Variants in PIK3C2G observed in about 807,000 individuals in gnomAD.
PIK3C2G encodes the protein phosphatidylinositol-4-phosphate 3-kinase catalytic subunit type 2 gamma.
A neutral mutation model predicts 181.1 loss-of-function variants in PIK3C2G; 168 were observed. That is an observed-to-expected ratio of 0.93 (90% CI 0.82 to 1.05). The LOEUF (loss-of-function observed/expected upper bound fraction) is 1.05, where lower values mean the gene tolerates loss of function less well. Ranked by LOEUF, PIK3C2G falls within the 50% of genes least tolerant of loss-of-function variation. The probability of loss-of-function intolerance (pLI) is 0.00; values close to 1 mark genes in which losing one functional copy is unlikely to be tolerated. For synonymous variants in PIK3C2G, 573 were observed against 592.2 expected (o/e 0.97, Z 0.47); for missense variants, 1,869 against 1,732.8 (o/e 1.08, Z -1.40).
chr12:18,352,651 G>T (rs1940328464), intron 11 of PIK3C2G, among the ~76,000 whole-genome samples: 1 of 152,190 alleles, frequency 6.6e-6, no homozygotes, highest in Admixed American at 6.5e-5. Context: ...GGAAGAATCA[G>T]GTCACATGAA....
chr12:18,398,231 C>A (rs2138109114), intron 15 of PIK3C2G, among the ~76,000 whole-genome samples: 1 of 152,000 alleles, frequency 6.6e-6, no homozygotes, highest in Non-Finnish European at 1.5e-5. Context: ...TGTGAATTTG[C>A]TTTAACAAAA....
At chr12:18,523,891 CT>C (rs1943066955) in intron 24 of PIK3C2G, among the ~76,000 whole-genome samples, 1 of 152,192 alleles carries the variant, frequency 6.6e-6, no homozygotes, top group Non-Finnish European at 1.5e-5. Flanking sequence ...CCTGGGAAGA[CT>C]TGTGAGAGCA....
chr12:18,549,176 G>A (rs764029562), intron 26 of PIK3C2G, among the ~76,000 whole-genome samples: 6 of 151,856 alleles, frequency 4.0e-5, no homozygotes, highest in African/African-American at 9.7e-5. Context: ...CGAACATGCC[G>A]TCTTTTGTGC....
chr12:18,377,319 A>C (rs1430767324), intron 13 of PIK3C2G, among the ~76,000 whole-genome samples: 1 of 152,196 alleles, frequency 6.6e-6, no homozygotes, highest in Non-Finnish European at 1.5e-5. Flanking sequence ...TAGTCAATGA[A>C]TTTATACGAT....
intron 31 of PIK3C2G, among the ~76,000 whole-genome samples, chr12:18,623,081 G>A (rs961762201): frequency 6.6e-6 from 1 of 151,678 alleles, no homozygotes; most frequent in Non-Finnish European, 1.5e-5. Flanking sequence ...TGCATTTGTT[G>A]TCTGTGCTAT....
At chr12:18,673,567 CTAGT>C in the PIK3C2G span, among the ~76,000 whole-genome samples, 2 of 152,162 alleles carry the variant, frequency 1.3e-5, no homozygotes, top group Non-Finnish European at 1.5e-5. Context: ...ACCTATTCTA[CTAGT>C]TATCTATTGT....
At chr12:18,367,360 G>C (rs1449070377) in intron 12 of PIK3C2G, among the ~76,000 whole-genome samples, 5 of 152,038 alleles carry the variant, frequency 3.3e-5, no homozygotes, top group African/African-American at 7.2e-5. Flanking sequence ...TTTAGTTTTG[G>C]ATACCGAAAT....
At chr12:18,639,907 T>A (rs1336304997) in intron 31 of PIK3C2G, among the ~76,000 whole-genome samples, 1 of 151,992 alleles carries the variant, frequency 6.6e-6, no homozygotes, top group Non-Finnish European at 1.5e-5. Context: ...TAATCATTTT[T>A]AAATCTTGTA....
chr12:18,648,129 G>T lies in PIK3C2G; in HGVS notation c.*101G>T. 1 of 618,222 alleles carries T rather than the reference G, an allele frequency of 1.6e-6. No individual in the cohort carries two copies. 38.3% of individuals were successfully genotyped at this position (618,222 alleles called of 1,614,324 possible). The stretch of plus-strand genomic sequence containing the variant: ...TAAGGCATCTTTGTTGTCAAAGACA[G>T]CACAGGGTATTAAGGACACAGAAAA... On this transcript the variant is annotated 3_prime_UTR_variant, in exon 33 of 33. Transcript: ENST00000538779.
intron 1 of PIK3C2G, among the ~76,000 whole-genome samples, chr12:18,249,316 G>A (rs550763494): frequency 6.6e-6 from 1 of 152,174 alleles, no homozygotes; most frequent in African/African-American, 2.4e-5. Context: ...ATCTAATGGT[G>A]GAATTTAATT....
At chr12:18,438,039 ATG>A (rs1265554070) in intron 18 of PIK3C2G, among the ~76,000 whole-genome samples, 2 of 151,898 alleles carry the variant, frequency 1.3e-5, no homozygotes, top group African/African-American at 4.8e-5. Flanking sequence ...ATTAAGCAAT[ATG>A]TGTTTTTTTA....
chr12:18,264,307 A>T (rs1948382119), intron 1 of PIK3C2G, among the ~76,000 whole-genome samples: 1 of 152,032 alleles, frequency 6.6e-6, no homozygotes, highest in African/African-American at 2.4e-5. Context: ...ATTATTGTTT[A>T]TATAGTCAAC....
At chr12:18,397,845 A>AC (rs1022259060) in intron 15 of PIK3C2G, among the ~76,000 whole-genome samples, 7 of 152,066 alleles carry the variant, frequency 4.6e-5, no homozygotes, top group African/African-American at 1.2e-4. Flanking sequence ...TATTCATAAT[A>AC]CCCCCCCAAA....
At chr12:18,686,228 T>C in the PIK3C2G span, among the ~76,000 whole-genome samples, 1 of 151,866 alleles carries the variant, frequency 6.6e-6, no homozygotes, top group East Asian at 1.9e-4. Flanking sequence ...ATTTCTCATT[T>C]CCCTCTCGTA....
intron 10 of PIK3C2G, among the ~76,000 whole-genome samples, chr12:18,344,178 G>C (rs1007255500): frequency 5.3e-5 from 8 of 152,070 alleles, no homozygotes; most frequent in African/African-American, 1.9e-4. Context: ...CAAGAAAACT[G>C]CCTGCCCCTC....
At position 18,503,390 on chromosome 12, in the gene PIK3C2G, C is replaced by T. The variant is rs766402953; in HGVS notation, c.3126C>T (p.His1042=). The T allele has an allele frequency of 6.2e-7, 1 of 1,609,550 alleles. No homozygotes were observed. Among genetic ancestry groups the T allele is most frequent in the Admixed American group, 1.7e-5 (1 of 59,512 alleles). Residue 1042 remains histidine, a synonymous_variant, in exon 23 of 33, where the codon CAC becomes CAT. Transcript: ENST00000538779. Reference sequence around the variant, plus strand: ...CAATTAAAAAGTGGTTCAGTCAGCACAACCACTTAAAGGCAGATTATGAAA... The same window carrying T: ...CAATTAAAAAGTGGTTCAGTCAGCATAACCACTTAAAGGCAGATTATGAAA... ...ENTIKKWFSQ[H]NHLKADYEKA...
intron 12 of PIK3C2G, among the ~76,000 whole-genome samples, chr12:18,370,747 T>C (rs1362185475): frequency 6.6e-6 from 1 of 152,120 alleles, no homozygotes; most frequent in Non-Finnish European, 1.5e-5. Flanking sequence ...ATATATGCCC[T>C]TGTCTGTGCT....
At chr12:18,705,422 T>C in the PIK3C2G span, 4 of 1,368,690 alleles carry the variant, frequency 2.9e-6, no homozygotes, top group Non-Finnish European at 4.1e-6. Flanking sequence ...TAACGTTTAG[T>C]ACCTTTGCAA....
At chr12:18,633,270 C>T (rs1280467160) in intron 31 of PIK3C2G, among the ~76,000 whole-genome samples, 1 of 152,042 alleles carries the variant, frequency 6.6e-6, no homozygotes, top group East Asian at 1.9e-4. Flanking sequence ...CAAATATATA[C>T]ATAAACACAT....
Sources: allele counts gnomAD v4.1 joint callset (sites outside exome capture counted in the v4.1 genomes callset), GRCh38; gene constraint gnomAD v4.1.1; transcripts MANE v1.5; gene names NCBI Gene and HGNC (gene_info 2026-07-23, HGNC 2026-07-21).